Variants in CAPRIN2 observed in about 807,000 individuals in gnomAD.
CAPRIN2 encodes caprin-2.
Under a neutral mutation model 130.4 loss-of-function variants are expected in CAPRIN2, and 66 were observed. The observed-to-expected ratio is 0.51, with a 90% CI of 0.42 to 0.62. The LOEUF (loss-of-function observed/expected upper bound fraction) is 0.62. Ranked by LOEUF, CAPRIN2 falls within the 20% of genes least tolerant of loss-of-function variation. The pLI is 0.00. For synonymous variants in CAPRIN2, 471 were observed against 444.1 expected (o/e 1.06, Z -0.76); for missense variants, 1,185 against 1,246.6 (o/e 0.95, Z 0.74).
chr12:30,739,619 G>T (rs1287329722), intron 3 of CAPRIN2, among the ~76,000 whole-genome samples: 1 of 151,908 alleles, frequency 6.6e-6, no homozygotes, highest in East Asian at 1.9e-4. Flanking sequence ...GGAGGCTGAG[G>T]CAGAAGAATC....
chr12:30,754,519 AC>A (rs1442824011), upstream of CAPRIN2: 1 of 150,772 alleles, frequency 6.6e-6, no homozygotes, highest in Non-Finnish European at 1.5e-5. Context: ...ACCGACCCCC[AC>A]CCTTCCCACA....
intron 2 of CAPRIN2, among the ~76,000 whole-genome samples, chr12:30,745,220 A>T (rs1356997356): frequency 6.6e-6 from 1 of 152,256 alleles, no homozygotes; most frequent in Non-Finnish European, 1.5e-5. Context: ...AACCAAAGAC[A>T]TCAAGTTCCC....
Position 30,710,600 on chromosome 12 carries a change from T to G in CAPRIN2, c.2666-130A>C. 1 of 1,357,828 alleles carries G rather than the reference T, an allele frequency of 7.4e-7. No homozygotes were observed. Among genetic ancestry groups the G allele is most frequent in the Non-Finnish European group, 9.9e-7 (1 of 1,012,478 alleles). The allele number at this position is 1,357,828 out of a possible 1,614,324, so 84.1% of individuals were successfully genotyped here. ...TAAATTCCAAAACAAAAGCAATATA[T>G]AGCTAGATTATACTTTTCTAGATTT... On this transcript the variant is annotated intron_variant, in intron 16 of 16. Transcript: ENST00000298892. This position sits in a 1 kb window ranked among gnomAD's most constrained non-coding sequence, Gnocchi z 4.8.
chr12:30,739,636 AC>A (rs2066469229), intron 3 of CAPRIN2, among the ~76,000 whole-genome samples: 1 of 151,474 alleles, frequency 6.6e-6, no homozygotes, highest in Non-Finnish European at 1.5e-5. Flanking sequence ...AATCGCGTGA[AC>A]CCGGGAGGCG....
intron 2 of CAPRIN2, among the ~76,000 whole-genome samples, chr12:30,744,141 C>T (rs887578602): frequency 2.0e-5 from 3 of 152,166 alleles, no homozygotes; most frequent in Non-Finnish European, 2.9e-5. Flanking sequence ...TACATCCAGT[C>T]ACCAAGCCAT....
At chr12:30,716,715 T>C in intron 12 of CAPRIN2, 39 bp from the exon 15 acceptor site, 2 of 1,588,098 alleles carry the variant, frequency 1.3e-6, no homozygotes, top group Non-Finnish European at 1.7e-6. Context: ...TTGGGAAGTT[T>C]CAAAGAAAAT....
intron 12 of CAPRIN2, chr12:30,719,118 T>C: frequency 6.2e-7 from 1 of 1,614,154 alleles, no homozygotes; most frequent in Non-Finnish European, 8.5e-7. Flanking sequence ...TAATGGTTAC[T>C]GAACTACTAC....
chr12:30,729,216 T>C, exon 8 of CAPRIN2: 1 of 1,613,798 alleles, frequency 6.2e-7, no homozygotes, highest in South Asian at 1.1e-5. Flanking sequence ...AGTAAGCATA[T>C]CCCAACGTTT....
chr12:30,754,714 C>T (rs1375443494), upstream of CAPRIN2: 3 of 153,782 alleles, frequency 2.0e-5, no homozygotes, highest in African/African-American at 7.3e-5. Context: ...CGCCTCCCTC[C>T]GCCGCGCCGA....
intron 1 of CAPRIN2, among the ~76,000 whole-genome samples, chr12:30,752,770 C>A (rs35669908): frequency 0.46 from 70,353 of 151,456 alleles, 16,681 homozygotes; most frequent in Non-Finnish European, 0.49. Context: ...GTCTGTTTCA[C>A]AGGCTACATG....
At chr12:30,747,987 A>C (rs2071559577) in intron 2 of CAPRIN2, among the ~76,000 whole-genome samples, 1 of 152,226 alleles carries the variant, frequency 6.6e-6, no homozygotes, top group African/African-American at 2.4e-5. Context: ...AGATATGACT[A>C]ACTGCTGCAA....
exon 1 of CAPRIN2, chr12:30,753,801 G>T (rs1255474187): frequency 6.4e-7 from 1 of 1,555,716 alleles, no homozygotes; most frequent in East Asian, 2.2e-5. Flanking sequence ...AGCCAATAAG[G>T]ATAGCCTTTA....
At chr12:30,724,243 T>TA in intron 10 of CAPRIN2, 127 bp downstream of exon 11, 1 of 635,238 alleles carries the variant, frequency 1.6e-6, no homozygotes, top group Non-Finnish European at 2.8e-6. Context: ...AACAGATGGA[T>TA]ACAGTTAGAA....
At chr12:30,712,824 C>T (rs368493896) in intron 15 of CAPRIN2, among the ~76,000 whole-genome samples, 73 of 150,964 alleles carry the variant, frequency 4.8e-4, no homozygotes, top group African/African-American at 1.7e-3. Context: ...TCACTGCAAC[C>T]TCCACTTGCC....
exon 1 of CAPRIN2, chr12:30,754,228 CA>C (rs1487397823): frequency 6.3e-6 from 1 of 157,676 alleles, no homozygotes; most frequent in Non-Finnish European, 1.4e-5. Flanking sequence ...CGTTTATTCT[CA>C]GTTGTTTGGT....
chr12:30,722,080 G>A (rs1026537895), intron 11 of CAPRIN2, among the ~76,000 whole-genome samples: 24 of 152,156 alleles, frequency 1.6e-4, no homozygotes, highest in Non-Finnish European at 1.8e-4. Context: ...GCTAAATTAA[G>A]GCATCTTAGG....
At chr12:30,725,522 C>G (rs553645893) in intron 9 of CAPRIN2, among the ~76,000 whole-genome samples, 2 of 152,288 alleles carry the variant, frequency 1.3e-5, no homozygotes, top group African/African-American at 4.8e-5. Flanking sequence ...TTGTATAACA[C>G]AATTTATCAT....
At chr12:30,727,361 C>T (rs2061259965) in intron 8 of CAPRIN2, among the ~76,000 whole-genome samples, 1 of 152,092 alleles carries the variant, frequency 6.6e-6, no homozygotes, top group African/African-American at 2.4e-5. Flanking sequence ...TGTTCCCATA[C>T]AGAATTAAGC....
intron 3 of CAPRIN2, 108 bp downstream of exon 4, chr12:30,740,912 T>C: frequency 1.5e-6 from 1 of 662,840 alleles, no homozygotes; most frequent in Non-Finnish European, 2.6e-6. Context: ...TCAGCAGAAA[T>C]TAGAAGAATA....
Sources: gnomAD v4.1 joint callset for allele counts (sites outside exome capture counted in the v4.1 genomes callset) on GRCh38, gnomAD v4.1.1 for gene constraint, Gnocchi (gnomAD v3.1) non-coding constraint, MANE v1.5 for transcripts, NCBI Gene and HGNC (gene_info 2026-07-23, HGNC 2026-07-21) for gene names.